The following IL9R variants were observed in gnomAD, a reference collection of about 807,000 sequenced individuals.
IL9R encodes interleukin-9 receptor.
A neutral mutation model predicts 56.3 loss-of-function variants in IL9R; 54 were observed. The ratio of observed to expected loss-of-function variants is 0.96; its 90% CI spans 0.77 to 1.20. IL9R has a LOEUF of 1.20. IL9R is among the 50% of genes most tolerant of loss of function. The pLI, the probability that IL9R is intolerant of heterozygous loss-of-function variation, is 0.00. For missense variants in IL9R, 545 were observed against 629.8 expected (o/e 0.87, Z 1.44); for synonymous variants, 212 against 250.2 (o/e 0.85, Z 1.44).
chrX:155,999,228 C>A (rs1368030172), intron 1 of IL9R, among the ~76,000 whole-genome samples: 3 of 152,042 alleles, frequency 2.0e-5, no homozygotes, highest in Admixed American at 6.5e-5. Context: ...TCCCACCCAC[C>A]CTTGCCTACT....
intron 8 of IL9R, chrX:156,008,034 C>G (rs1459109824): frequency 3.8e-6 from 1 of 263,276 alleles, no homozygotes. Context: ...GCCTGGTCCC[C>G]TGGTCTCCCC....
chrX:156,008,508 A>G (rs2068146900), intron 8 of IL9R, among the ~76,000 whole-genome samples: 1 of 152,164 alleles, frequency 6.6e-6, no homozygotes, highest in Non-Finnish European at 1.5e-5. Context: ...AAGGTGGTAG[A>G]TGTGACTGTC....
intron 6 of IL9R, among the ~76,000 whole-genome samples, chrX:156,005,858 A>G (rs2067897320): frequency 6.6e-6 from 1 of 152,134 alleles, no homozygotes. Flanking sequence ...GCAGATGGGA[A>G]GAGTGAGGCC....
intron 1 of IL9R, 113 bp from the exon 2 acceptor site, chrX:156,002,793 C>G: frequency 6.9e-7 from 1 of 1,459,006 alleles, no homozygotes; most frequent in Non-Finnish European, 9.6e-7. Flanking sequence ...ACACAGGACA[C>G]TGTGTGAGTG....
chrX:156,008,360 A>G (rs2068133213), intron 8 of IL9R, among the ~76,000 whole-genome samples: 1 of 151,282 alleles, frequency 6.6e-6, no homozygotes, highest in Non-Finnish European at 1.5e-5. Context: ...TCCCCTTCAC[A>G]CTGTGGCTCC....
In IL9R at chrX:156,003,456, G is replaced by A; in HGVS notation, c.150G>A (p.Arg50=). 2 of 1,611,076 alleles carry A rather than the reference G, an allele frequency of 1.2e-6. No homozygotes were observed. Among genetic ancestry groups the A allele is most frequent in the Non-Finnish European group, 1.7e-6 (2 of 1,179,050 alleles). Residue 50 remains arginine (R), a synonymous_variant, in exon 3 of 9, where the codon AGG becomes AGA. Transcript: ENST00000244174. The part of the protein sequence containing the change: ...VSVTGEGQGP[R]SRTFTCLTNN... ...GATGGTCACTGTCTCCAGGGCCAAG[G>A]TCTAGAACCTTCACCTGCCTCACCA... is the stretch of plus-strand genomic sequence containing the variant.
In IL9R at chrX:156,002,936, G is replaced by A. The variant is rs372322566; in HGVS notation, c.59G>A (p.Arg20Gln). Residue 20 changes from arginine to glutamine, a missense_variant, in exon 2 of 9, where the codon CGA becomes CAA. Coordinates refer to ENST00000244174, the MANE Select transcript of IL9R (RefSeq NM_002186.3). ...GWTLESEALR[R>Q]DMGTWLLACI... ...ACCTTGGAGAGTGAGGCCCTGAGGC[G>A]AGACATGGGCACCTGGCTCCTGGCC... 1.9e-5 allele frequency: 30 copies of A among 1,613,792 alleles called. No individual in the cohort carries two copies. Among genetic ancestry groups the A allele is most frequent in the South Asian group, 1.2e-4 (11 of 91,068 alleles).
chrX:156,004,577 G>T lies in IL9R; in HGVS notation c.579+12G>T. On this transcript the variant is annotated intron_variant, in intron 5 of 8. Transcript: ENST00000244174. ...AAGAGGCCTGGGAGGTAACACTTTG[G>T]CTGGCTTTCCCTGGGGGCCTCTCTC... The T allele has an allele frequency of 1.2e-6, 2 of 1,612,060 alleles. No individual in the cohort carries two copies. Among genetic ancestry groups the T allele is most frequent in the Non-Finnish European group, 1.7e-6 (2 of 1,179,804 alleles).
rs2067677833 is a variant in IL9R at position 156,003,461 on chromosome X, G to C, written c.155G>C (p.Arg52Thr). ...TCACTGTCTCCAGGGCCAAGGTCTA[G>C]AACCTTCACCTGCCTCACCAACAAC... ...VTGEGQGPRS[R>T]TFTCLTNNIL... is the part of the protein sequence containing the mutation. Residue 52 changes from arginine (R) to threonine (T), a missense_variant, in exon 3 of 9, where the codon AGA (arginine) becomes ACA (threonine). By Grantham distance (71) the Arg-to-Thr change is moderately conservative. Transcript: ENST00000244174. 6 of 1,611,370 alleles carry C rather than the reference G, an allele frequency of 3.7e-6. No individual in the cohort carries two copies. Among genetic ancestry groups the C allele is most frequent in the Non-Finnish European group, 4.2e-6 (5 of 1,179,374 alleles).
At chrX:156,007,778 G>A (rs1481358973) in intron 8 of IL9R, 171 bp downstream of exon 8, 22 of 670,638 alleles carry the variant, frequency 3.3e-5, no homozygotes, top group Admixed American at 1.4e-4. Flanking sequence ...TATCTCAAAT[G>A]GGGAAAAATT....
At chrX:156,006,753 G>A (rs1483642039) in intron 7 of IL9R, among the ~76,000 whole-genome samples, 2 of 151,880 alleles carry the variant, frequency 1.3e-5, no homozygotes, top group East Asian at 3.9e-4. Flanking sequence ...GTTGGGTGGG[G>A]CTAAGTGGGA....
In IL9R at chrX:156,003,511, T is replaced by C. The variant is rs190111819; in HGVS notation, c.205T>C (p.Ser69Pro). 6.2e-7 allele frequency: 1 copy of C among 1,612,726 alleles called. No homozygotes were observed. Among genetic ancestry groups the C allele is most frequent in the African/African-American group, 1.3e-5 (1 of 75,014 alleles). ...NNILRIDCHW[S>P]APELGQGSSP... is the part of the protein sequence containing the mutation. ...CATTCTCAGGATCGATTGCCACTGG[T>C]CTGCCCCAGAGCTGGGACAGGGCTC... The change falls in exon 3 of 9, where the codon TCT (serine) becomes CCT (proline). Residue 69 changes from serine to proline, a missense_variant. Ser to Pro is a moderately conservative substitution (Grantham distance 74, BLOSUM62 -1). Around this residue, in one of 2 missense-constraint regions of IL9R, gnomAD observed 431 missense variants for 360.0 expected, o/e 1.20. Coordinates refer to ENST00000244174, the MANE Select transcript of IL9R (RefSeq NM_002186.3).
At chrX:156,006,639 T>A (rs1181755581) in intron 7 of IL9R, among the ~76,000 whole-genome samples, 1 of 151,788 alleles carries the variant, frequency 6.6e-6, no homozygotes, top group Non-Finnish European at 1.5e-5. Context: ...GGGCCCTCCT[T>A]AAATAAACCG....
At chrX:155,999,435 C>A (rs731478) in intron 1 of IL9R, among the ~76,000 whole-genome samples, 1 of 151,944 alleles carries the variant, frequency 6.6e-6, no homozygotes, top group Admixed American at 6.6e-5. Flanking sequence ...CCTGCCTTCC[C>A]TGCACCTTCT....
intron 8 of IL9R, among the ~76,000 whole-genome samples, chrX:156,009,341 T>C (rs1251597328): frequency 6.6e-6 from 1 of 150,682 alleles, no homozygotes; most frequent in African/African-American, 2.5e-5. Flanking sequence ...TGTGTTTGTG[T>C]GTGTGTGTCT....
chrX:156,009,280 CTGTG>C (rs1439386990), intron 8 of IL9R, among the ~76,000 whole-genome samples: 41,786 of 116,812 alleles, frequency 0.36, 6,796 homozygotes, highest in East Asian at 0.51. Context: ...GTGTGTATGT[CTGTG>C]TGTGTGTGTG....
At chrX:156,003,148 G>A (rs942049288) in intron 2 of IL9R, 129 bp downstream of exon 2, 1 of 1,153,306 alleles carries the variant, frequency 8.7e-7, no homozygotes, top group African/African-American at 1.5e-5. Flanking sequence ...ATGTCCTCTA[G>A]GGGTCAGCCT....
At position 156,003,039 on chromosome X, in the gene IL9R, G is replaced by A. The variant is rs1483438526; in HGVS notation, c.142+20G>A. ...GACAAGGTGAGGGCTGGGCACTAAT[G>A]TCTGTATGAGGTGGGTGGAGAACTA... On this transcript the variant is annotated intron_variant, in intron 2 of 8. Coordinates refer to ENST00000244174, the MANE Select transcript of IL9R (RefSeq NM_002186.3). 1.2e-6 allele frequency: 2 copies of A among 1,613,710 alleles called. No individual in the cohort carries two copies. Among genetic ancestry groups the A allele is most frequent in the Admixed American group, 1.7e-5 (1 of 60,008 alleles).
At chrX:155,998,621 A>G (rs373646944) in intron 1 of IL9R, among the ~76,000 whole-genome samples, 314 of 152,062 alleles carry the variant, frequency 2.1e-3, no homozygotes, top group African/African-American at 7.1e-3. Flanking sequence ...AAGAGTGGGT[A>G]TCCTCTCAGC....
Sources: allele counts gnomAD v4.1 joint callset (sites outside exome capture counted in the v4.1 genomes callset), GRCh38; gene constraint gnomAD v4.1.1; regional missense constraint gnomAD v4.1.1; transcripts MANE v1.5; gene names NCBI Gene and HGNC (gene_info 2026-07-23, HGNC 2026-07-21).